The following SV2C variants were observed in gnomAD, a reference collection of about 807,000 sequenced individuals.
SV2C encodes synaptic vesicle glycoprotein 2C, also known as solute carrier family 22 member B3.
In SV2C, 49 loss-of-function variants were observed where a neutral mutation model predicts 79.7. That is an observed-to-expected ratio of 0.61 (90% CI 0.49 to 0.78). The LOEUF is 0.78. SV2C is among the 30% of genes least tolerant of loss of function. The probability of loss-of-function intolerance (pLI) is 0.00; values close to 1 mark genes in which losing one functional copy is unlikely to be tolerated. For missense variants in SV2C, 833 were observed against 912.9 expected, an observed-to-expected ratio of 0.91 and a Z score of 1.13; for synonymous variants, 334 against 333.2, an observed-to-expected ratio of 1.00 and a Z score of -0.03.
intron 2 of SV2C, among the ~76,000 whole-genome samples, chr5:76,153,660 T>C (rs1742631930): frequency 6.6e-6 from 1 of 152,098 alleles, no homozygotes; most frequent in Admixed American, 6.5e-5. Flanking sequence ...AAAGAAGGAA[T>C]GGTTAGTGCT....
chr5:76,315,665 G>T (rs1748597172), intron 12 of SV2C, among the ~76,000 whole-genome samples: 1 of 152,194 alleles, frequency 6.6e-6, no homozygotes, highest in African/African-American at 2.4e-5. Flanking sequence ...AGGCAACTGA[G>T]TAACAGTTGG....
the SV2C span, among the ~76,000 whole-genome samples, chr5:75,859,893 T>TC: frequency 0.29 from 44,027 of 151,970 alleles, 10,347 homozygotes; most frequent in African/African-American, 0.65. Context: ...TTAATCCTTT[T>TC]CTCATCCCTT....
At chr5:76,001,742 G>C in the SV2C span, among the ~76,000 whole-genome samples, 8 of 152,238 alleles carry the variant, frequency 5.3e-5, no homozygotes, top group African/African-American at 1.9e-4. Context: ...ATTTGCACTG[G>C]AGTTCCTCTT....
chr5:75,953,087 G>C, the SV2C span, among the ~76,000 whole-genome samples: 1 of 152,008 alleles, frequency 6.6e-6, no homozygotes, highest in East Asian at 1.9e-4. Context: ...CATCTGGCGA[G>C]GGCCTCAGGC....
chr5:76,220,872 T>C (rs188046786), intron 4 of SV2C, among the ~76,000 whole-genome samples: 1 of 152,254 alleles, frequency 6.6e-6, no homozygotes, highest in East Asian at 1.9e-4. Context: ...TTCATAAGGA[T>C]ATGTCTGTAC....
chr5:76,201,958 G>T (rs1744456511), intron 3 of SV2C, among the ~76,000 whole-genome samples: 1 of 146,486 alleles, frequency 6.8e-6, no homozygotes, highest in South Asian at 2.2e-4. Context: ...GGAGCTTGCA[G>T]TGAGCTGAGC....
At chr5:76,320,545 C>A (rs1748795648) in intron 12 of SV2C, among the ~76,000 whole-genome samples, 1 of 152,050 alleles carries the variant, frequency 6.6e-6, no homozygotes, top group Admixed American at 6.5e-5. Context: ...TTTTTGTTCA[C>A]TTTTTTTGTT....
At chr5:76,343,377 C>T (rs770674481) in intron 12 of SV2C, among the ~76,000 whole-genome samples, 4 of 152,002 alleles carry the variant, frequency 2.6e-5, no homozygotes, top group Non-Finnish European at 5.9e-5. Flanking sequence ...AAAAGACATG[C>T]AACCAAATAG....
chr5:75,921,184 G>T, the SV2C span: 3 of 971,590 alleles, frequency 3.1e-6, no homozygotes, highest in Non-Finnish European at 4.8e-6. Flanking sequence ...CCAAGTGCCC[G>T]TGGAACTTGA....
chr5:75,975,445 A>G, the SV2C span, among the ~76,000 whole-genome samples: 1 of 152,104 alleles, frequency 6.6e-6, no homozygotes, highest in Non-Finnish European at 1.5e-5. Flanking sequence ...TTTATTTCCA[A>G]TTCATGTAGG....
At chr5:76,076,572 G>A in the SV2C span, among the ~76,000 whole-genome samples, 1 of 152,000 alleles carries the variant, frequency 6.6e-6, no homozygotes, top group Non-Finnish European at 1.5e-5. Flanking sequence ...TTGAAGTCCA[G>A]GATGAGGGAG....
the SV2C span, among the ~76,000 whole-genome samples, chr5:75,873,919 T>C: frequency 9.9e-5 from 15 of 152,026 alleles, no homozygotes; most frequent in Admixed American, 9.8e-4. Context: ...ATAAATAGCC[T>C]ACCAACCAAA....
At chr5:76,190,813 A>T (rs1254981573) in intron 2 of SV2C, among the ~76,000 whole-genome samples, 1 of 152,242 alleles carries the variant, frequency 6.6e-6, no homozygotes, top group African/African-American at 2.4e-5. Flanking sequence ...ACAAAGCTTT[A>T]TTTAATGTCA....
intron 8 of SV2C, among the ~76,000 whole-genome samples, chr5:76,295,263 C>G (rs1207641078): frequency 6.6e-6 from 1 of 152,174 alleles, no homozygotes; most frequent in Non-Finnish European, 1.5e-5. Flanking sequence ...CTGAGTCCTC[C>G]AGAGGGGACA....
chr5:75,906,021 G>A, the SV2C span, among the ~76,000 whole-genome samples: 4 of 151,088 alleles, frequency 2.6e-5, no homozygotes, highest in Admixed American at 6.6e-5. Context: ...AAAGATGGTC[G>A]TGTGATGATG....
intron 2 of SV2C, among the ~76,000 whole-genome samples, chr5:76,182,721 GTGTTTGGC>G (rs1019936633): frequency 2.0e-5 from 3 of 152,200 alleles, no homozygotes; most frequent in African/African-American, 7.2e-5. Flanking sequence ...CTCCCTCCCT[GTGTTTGGC>G]TATTCCTGCA....
At chr5:76,220,394 G>T (rs570397271) in intron 4 of SV2C, among the ~76,000 whole-genome samples, 50 of 152,130 alleles carry the variant, frequency 3.3e-4, no homozygotes, top group Non-Finnish European at 5.7e-4. Context: ...ATTGACAGCC[G>T]GGTGCAGTGG....
intron 1 of SV2C, among the ~76,000 whole-genome samples, chr5:76,105,151 G>C (rs1293459336): frequency 1.3e-5 from 2 of 152,192 alleles, no homozygotes; most frequent in Admixed American, 1.3e-4. Flanking sequence ...AGATTGGAAT[G>C]ATACATCTTC....
At chr5:76,112,670 G>A (rs1376861136) in intron 1 of SV2C, among the ~76,000 whole-genome samples, 1 of 152,244 alleles carries the variant, frequency 6.6e-6, no homozygotes, top group Non-Finnish European at 1.5e-5. Context: ...TGGTGGCTTA[G>A]ACCAGGTAAA....
Sources: allele counts gnomAD v4.1 joint callset (sites outside exome capture counted in the v4.1 genomes callset), GRCh38; gene constraint gnomAD v4.1.1; transcripts MANE v1.5; gene names NCBI Gene and HGNC (gene_info 2026-07-23, HGNC 2026-07-21).